The following SLC14A2 variants were observed in gnomAD, a reference collection of about 807,000 sequenced individuals.
SLC14A2 encodes solute carrier family 14 member 2.
A neutral mutation model predicts 104.6 loss-of-function variants in SLC14A2; 91 were observed. The ratio of observed to expected loss-of-function variants is 0.87; its 90% CI spans 0.73 to 1.04. The LOEUF is 1.04. SLC14A2 is among the 50% of genes least tolerant of loss of function. The pLI is 0.00. For synonymous variants in SLC14A2, 476 were observed against 466.4 expected (o/e 1.02, Z -0.27); for missense variants, 1,189 against 1,156.0 (o/e 1.03, Z -0.41).
intron 1 of SLC14A2, among the ~76,000 whole-genome samples, chr18:45,623,338 G>C (rs768568303): frequency 5.3e-5 from 8 of 152,234 alleles, no homozygotes; most frequent in Non-Finnish European, 8.8e-5. Flanking sequence ...AGGATGATGA[G>C]TTATCTGCCT....
intron 1 of SLC14A2, among the ~76,000 whole-genome samples, chr18:45,346,781 G>A (rs1362538436): frequency 1.3e-5 from 2 of 151,808 alleles, no homozygotes; most frequent in East Asian, 3.9e-4. Context: ...AGCCAACATG[G>A]TGAAACCCCA....
intron 2 of SLC14A2, among the ~76,000 whole-genome samples, chr18:45,598,200 G>A (rs561591225): frequency 2.6e-5 from 4 of 152,172 alleles, no homozygotes; most frequent in Admixed American, 2.6e-4. Context: ...GACTGTTAGC[G>A]TGTCTGTGCC....
Position 45,663,925 on chromosome 18 carries a change from C to G in SLC14A2, c.1474+18C>G, listed in dbSNP as rs760645993. ...GAGCAAAGGTGTGCATGTCCTCCCC[C>G]TCACGCTTGGATCCCTGCCTTCCTA... On this transcript the variant is annotated intron_variant, in intron 11 of 19. Transcript: ENST00000255226. The G allele has an allele frequency of 7.5e-6, 12 of 1,600,088 alleles. No individual in the cohort carries two copies. In the East Asian group the frequency reaches 2.2e-4, roughly 30 times the overall value.
intron 1 of SLC14A2, among the ~76,000 whole-genome samples, chr18:45,391,531 C>T (rs1044273465): frequency 1.3e-5 from 2 of 152,326 alleles, no homozygotes; most frequent in South Asian, 2.1e-4. Flanking sequence ...AACTAGTTTA[C>T]AGTCCCACCA....
chr18:45,396,805 CTCCTCCCCT>C (rs1253844882), intron 1 of SLC14A2, among the ~76,000 whole-genome samples: 2 of 151,786 alleles, frequency 1.3e-5, no homozygotes, highest in African/African-American at 4.8e-5. Context: ...CCCTTTTCTG[CTCCTCCCCT>C]TCCTCCCACC....
At chr18:45,294,456 CA>C (rs1374397506) in intron 1 of SLC14A2, among the ~76,000 whole-genome samples, 2 of 151,692 alleles carry the variant, frequency 1.3e-5, no homozygotes, top group African/African-American at 4.8e-5. Flanking sequence ...CATTTAAGGA[CA>C]AAAACAAACT....
chr18:45,425,469 T>C (rs2086411363), intron 1 of SLC14A2, among the ~76,000 whole-genome samples: 2 of 152,168 alleles, frequency 1.3e-5, no homozygotes, highest in Admixed American at 6.6e-5. Flanking sequence ...ACCTGAGAAC[T>C]GTATCCTTGG....
intron 1 of SLC14A2, among the ~76,000 whole-genome samples, chr18:45,269,428 T>C (rs1332223898): frequency 6.6e-6 from 1 of 151,986 alleles, no homozygotes; most frequent in Non-Finnish European, 1.5e-5. Flanking sequence ...TAGCTAATAG[T>C]GCTAATGTCC....
In SLC14A2 at chr18:45,643,992, G is replaced by T. The variant is rs781119545; in HGVS notation, c.1183G>T (p.Val395Leu). The T allele has an allele frequency of 6.2e-7, 1 of 1,613,676 alleles. No homozygotes were observed. The highest frequency in any genetic ancestry group is 8.5e-7 in the Non-Finnish European group (1 of 1,179,680). The change falls in exon 10 of 20, where the codon GTG becomes TTG. Residue 395 changes from valine to leucine, a missense_variant. Val to Leu is a conservative substitution (Grantham distance 32, BLOSUM62 1). Coordinates refer to ENST00000255226, the MANE Select transcript of SLC14A2 (RefSeq NM_007163.4). ...CCAATGCTTTTGTTTCCAGGTGGGC[G>T]TGCCACCAGGCACCTGGGCCTTCTG... ...AISNIMSVVG[V>L]PPGTWAFCLA... is the part of the protein sequence containing the mutation.
chr18:45,437,558 C>T (rs1336644084), intron 1 of SLC14A2, among the ~76,000 whole-genome samples: 2 of 152,266 alleles, frequency 1.3e-5, no homozygotes, highest in African/African-American at 2.4e-5. Context: ...TCATGTCATG[C>T]GGTCTATCAT....
At chr18:45,309,741 A>G (rs2085059358) in intron 1 of SLC14A2, among the ~76,000 whole-genome samples, 1 of 152,180 alleles carries the variant, frequency 6.6e-6, no homozygotes. Context: ...CAAGAGTTTG[A>G]TTAATTGTAT....
intron 1 of SLC14A2, among the ~76,000 whole-genome samples, chr18:45,278,985 G>A (rs1482931277): frequency 6.6e-6 from 1 of 152,186 alleles, no homozygotes; most frequent in Non-Finnish European, 1.5e-5. Flanking sequence ...TCCATAGATA[G>A]AAACAAGTAC....
At chr18:45,423,711 A>G (rs930172748) in intron 1 of SLC14A2, 2 of 152,244 alleles carry the variant, frequency 1.3e-5, no homozygotes, top group African/African-American at 4.8e-5. Flanking sequence ...CATCATAAAT[A>G]TGACATCCAG....
chr18:45,317,385 A>G (rs1202673977), intron 1 of SLC14A2, among the ~76,000 whole-genome samples: 1 of 152,236 alleles, frequency 6.6e-6, no homozygotes, highest in Non-Finnish European at 1.5e-5. Context: ...TCTATGCCCC[A>G]GTGAAGCTTG....
intron 2 of SLC14A2, among the ~76,000 whole-genome samples, chr18:45,552,451 C>T (rs1205614107): frequency 6.6e-6 from 1 of 152,010 alleles, no homozygotes; most frequent in African/African-American, 2.4e-5. Context: ...CCCCCGTGTC[C>T]TCAAGCTGGG....
intron 5 of SLC14A2, chr18:45,634,779 G>A (rs757829946): frequency 2.2e-6 from 1 of 456,370 alleles, no homozygotes; most frequent in Non-Finnish European, 4.4e-6. Context: ...GCAGAGATGT[G>A]ATGGGATATG....
chr18:45,623,098 G>A (rs1213839297), intron 1 of SLC14A2, among the ~76,000 whole-genome samples: 1 of 152,120 alleles, frequency 6.6e-6, no homozygotes. Flanking sequence ...TGGTCAAGGA[G>A]GGAAGGGAAG....
At chr18:45,503,027 G>A (rs932577072) in intron 2 of SLC14A2, among the ~76,000 whole-genome samples, 2 of 151,970 alleles carry the variant, frequency 1.3e-5, no homozygotes, top group East Asian at 1.9e-4. Flanking sequence ...AGTTCCATGG[G>A]CAGCTCTTTC....
At chr18:45,637,253 G>C (rs1346969827) in intron 6 of SLC14A2, 71 bp downstream of exon 6, 5 of 1,271,496 alleles carry the variant, frequency 3.9e-6, no homozygotes, top group Non-Finnish European at 5.6e-6. Context: ...ACCAATTTGT[G>C]GACTATCCAT....
Sources: allele counts gnomAD v4.1 joint callset (sites outside exome capture counted in the v4.1 genomes callset), GRCh38; gene constraint gnomAD v4.1.1; transcripts MANE v1.5; gene names NCBI Gene and HGNC (gene_info 2026-07-23, HGNC 2026-07-21).